ANKRD46: variants seen among roughly 807,000 people sequenced by gnomAD.
The protein encoded by ANKRD46 is ankyrin repeat domain-containing protein 46.
In ANKRD46, 13 loss-of-function variants were observed where a neutral mutation model predicts 19.8. The ratio of observed to expected loss-of-function variants is 0.66; its 90% confidence interval spans 0.43 to 1.04. The LOEUF is 1.04. Ranked by LOEUF, ANKRD46 falls within the 50% of genes least tolerant of loss-of-function variation. ANKRD46 has a pLI of 0.00. For synonymous variants in ANKRD46, 91 were observed against 106.9 expected (o/e 0.85, Z 0.92); for missense variants, 185 against 274.8 (o/e 0.67, Z 2.31).
rs1453372973 is a variant in ANKRD46 at position 100,534,920 on chromosome 8, C to T, written c.-130-1609G>A. ...TAGCTGGGACTACAGCCATGTGCCA[C>T]CATGCCTGGGTAATTTTTGTATTTT... On this transcript the variant is annotated intron_variant, in intron 1 of 4. Transcript: ENST00000335659. The surrounding 1 kb of genome is among the most constrained non-coding windows in gnomAD (Gnocchi z 4.2). 4.6e-5 allele frequency among the ~76,000 whole-genome samples: 7 copies of T among 152,164 alleles called. No homozygotes were observed. The highest frequency in any genetic ancestry group is 1.0e-4 in the Non-Finnish European group (7 of 68,036).
At chr8:100,553,577 C>T (rs1433268447) in intron 1 of ANKRD46, among the ~76,000 whole-genome samples, 3 of 152,048 alleles carry the variant, frequency 2.0e-5, no homozygotes, top group South Asian at 4.1e-4. Context: ...AGTGAAACCC[C>T]GTCTCCACTA....
In ANKRD46 at chr8:100,528,005, TAAAAAAAA is replaced by T. The variant is rs746946951; in HGVS notation, c.312-10_312-3del. ...AAAGGGGTAGCACCTTGATGATTGC[TAAAAAAAA>T]AAAAAAAAAAAAAAGTTTATAAAAA... On this transcript the variant is annotated splice_region_variant and splice_polypyrimidine_tract_variant and intron_variant, in intron 3 of 4. Coordinates refer to ENST00000335659, the MANE Select transcript of ANKRD46 (RefSeq NM_001270377.2). 1.7e-6 allele frequency: 2 copies of T among 1,164,202 alleles called. No individual in the cohort carries two copies. Among genetic ancestry groups the T allele is most frequent in the South Asian group, 2.9e-5 (1 of 33,904 alleles). The allele number at this position is 1,164,202 out of a possible 1,614,324, so 72.1% of individuals were successfully genotyped here.
rs1026053868 is a variant in ANKRD46 at position 100,527,030 on chromosome 8, A to G, written c.470+815T>C. Among the ~76,000 whole-genome samples the G allele has an allele frequency of 1.3e-5, 2 of 152,112 alleles. No individual in the cohort carries two copies. The highest frequency in any genetic ancestry group is 2.4e-5 in the African/African-American group (1 of 41,416). ...AAACTGCATGGTGGTCAACCAGATA[A>G]TATGCTACTAGAACTAAGTCTGGCC... On this transcript the variant is annotated intron_variant, in intron 4 of 4. Coordinates refer to ENST00000335659, the MANE Select transcript of ANKRD46 (RefSeq NM_001270377.2). This position sits in a 1 kb window ranked among gnomAD's most constrained non-coding sequence, Gnocchi z 4.0.
intron 1 of ANKRD46, chr8:100,551,458 T>C: frequency 1.5e-6 from 1 of 679,488 alleles, no homozygotes; most frequent in Non-Finnish European, 2.7e-6. Flanking sequence ...CATCACCCCA[T>C]TTGATTTTGG....
At chr8:100,539,451 G>A (rs1175322952) in intron 1 of ANKRD46, among the ~76,000 whole-genome samples, 1 of 152,188 alleles carries the variant, frequency 6.6e-6, no homozygotes, top group Non-Finnish European at 1.5e-5. Context: ...TTTATAAGCA[G>A]AATCTTCTGA....
rs1812532942 is a variant in ANKRD46 at position 100,557,920 on chromosome 8, T to A, written c.-131+1791A>T. ...TTTTTATTCCTAGTAACTGTTACCA[T>A]CTGACTCCAGATACGTTAACTTTCA... On this transcript the variant is annotated intron_variant, in intron 1 of 4. Transcript: ENST00000335659. This position sits in a 1 kb window ranked among gnomAD's most constrained non-coding sequence, Gnocchi z 5.9. Among the ~76,000 whole-genome samples, 2 of 152,158 alleles carry A rather than the reference T, an allele frequency of 1.3e-5. No homozygotes were observed. Among genetic ancestry groups the A allele is most frequent in the South Asian group, 4.1e-4 (2 of 4,830 alleles).
At chr8:100,518,333 AT>A (rs1401475800), downstream of ANKRD46, among the ~76,000 whole-genome samples, 8 of 152,372 alleles carry the variant, frequency 5.3e-5, no homozygotes, top group Non-Finnish European at 1.0e-4. Flanking sequence ...TAAAATGTAT[AT>A]TTCAATATGT....
chr8:100,558,091 A>G (rs1262108669), intron 1 of ANKRD46, among the ~76,000 whole-genome samples: 2 of 152,238 alleles, frequency 1.3e-5, no homozygotes, highest in African/African-American at 2.4e-5. Flanking sequence ...TACGCTTGCT[A>G]TATGAATGCC....
chr8:100,532,959 T>C lies in ANKRD46; in HGVS notation c.-28+250A>G, dbSNP rs113266290. Among the ~76,000 whole-genome samples the C allele has an allele frequency of 3.8e-3, 579 of 152,358 alleles. 2 individuals are homozygous for C. Among genetic ancestry groups the C allele is most frequent in the Admixed American group, 6.3e-3 (97 of 15,308 alleles). Reference sequence around the variant, plus strand: ...CAGACACAGTAAGAATTCTTGTGGTTTGCAGACTAGGATACTTCTGAGTGT... The same window carrying C: ...CAGACACAGTAAGAATTCTTGTGGTCTGCAGACTAGGATACTTCTGAGTGT... On this transcript the variant is annotated intron_variant, in intron 2 of 4. Coordinates refer to ENST00000335659, the MANE Select transcript of ANKRD46 (RefSeq NM_001270377.2). The surrounding 1 kb of genome is among the most constrained non-coding windows in gnomAD (Gnocchi z 4.7).
rs937090065 is a variant in ANKRD46, at chr8:100,510,593, C to T, written c.683G>A (p.Arg228Gln). ...ACCTAGAGATTAGATGGCCTGGATT[C>T]GGCTTCTGTCTTGCCTTGCAAAGCT... Residue 228 changes from arginine (R) to glutamine (Q), a missense_variant, in exon 6 of 6, where the codon CGA becomes CAA. Arg to Gln is a conservative substitution (Grantham distance 43). Coordinates refer to the ANKRD46 transcript ENST00000520552. The surrounding 1 kb of genome is among the most constrained non-coding windows in gnomAD (Gnocchi z 4.9). The T allele has an allele frequency of 1.4e-5, 22 of 1,535,444 alleles. No individual in the cohort carries two copies. Among genetic ancestry groups the T allele is most frequent in the South Asian group, 9.5e-5 (8 of 84,012 alleles).
rs552780093 is a variant in ANKRD46, at chr8:100,545,388, A to G, written c.-130-12077T>C. Reference sequence around the variant, plus strand: ...CATGATAGTGAGGGAGGGCTCATAAATAAGATCAGACGGTTTTAAAATTGG... The same window carrying G: ...CATGATAGTGAGGGAGGGCTCATAAGTAAGATCAGACGGTTTTAAAATTGG... On this transcript the variant is annotated intron_variant, in intron 1 of 4. Coordinates refer to ENST00000335659, the MANE Select transcript of ANKRD46 (RefSeq NM_001270377.2). The surrounding 1 kb of genome is among the most constrained non-coding windows in gnomAD (Gnocchi z 4.7). 6.6e-6 allele frequency among the ~76,000 whole-genome samples: 1 copy of G among 152,202 alleles called. No homozygotes were observed. Among genetic ancestry groups the G allele is most frequent in the African/African-American group, 2.4e-5 (1 of 41,526 alleles).
rs543192816 is a variant in ANKRD46 at position 100,530,118 on chromosome 8, A to G, written c.-27-258T>C. 2.0e-5 allele frequency among the ~76,000 whole-genome samples: 3 copies of G among 152,304 alleles called. No individual in the cohort carries two copies. The South Asian group carries it at 6.2e-4, about 32-fold the overall frequency. ...TTGCTTTTCACCATGTAAAAAGATT[A>G]AGAGATATTTTTAAAGTTAAGCAAG... On this transcript the variant is annotated intron_variant, in intron 2 of 4. Coordinates refer to ENST00000335659, the MANE Select transcript of ANKRD46 (RefSeq NM_001270377.2).
At chr8:100,538,747 C>A (rs961202510) in intron 1 of ANKRD46, among the ~76,000 whole-genome samples, 7 of 152,036 alleles carry the variant, frequency 4.6e-5, no homozygotes, top group Admixed American at 3.9e-4. Context: ...CATAATGAAG[C>A]CTGCTTGGAG....
At chr8:100,522,836 A>G in intron 4 of ANKRD46, 65 bp from the exon 5 acceptor site, 2 of 1,358,296 alleles carry the variant, frequency 1.5e-6, no homozygotes, top group Non-Finnish European at 2.1e-6. Context: ...ACATAAAACC[A>G]CAGGGCTACT....
At chr8:100,533,459 T>C (rs1586788948) in intron 1 of ANKRD46, 148 bp from the exon 2 acceptor site, 1 of 152,156 alleles carries the variant, frequency 6.6e-6, no homozygotes, top group Non-Finnish European at 1.5e-5. Context: ...CAGAAAAATA[T>C]CTGACGAGTA....
rs1019603345 is a variant in ANKRD46, at chr8:100,534,933, A to G, written c.-130-1622T>C. ...AGCCATGTGCCACCATGCCTGGGTA[A>G]TTTTTGTATTTTTAGTGGAGATGAG... On this transcript the variant is annotated intron_variant, in intron 1 of 4. Transcript: ENST00000335659. The surrounding 1 kb of genome is among the most constrained non-coding windows in gnomAD (Gnocchi z 4.2). Among the ~76,000 whole-genome samples, 1 of 152,040 alleles carries G rather than the reference A, an allele frequency of 6.6e-6. No homozygotes were observed. The highest frequency in any genetic ancestry group is 1.5e-5 in the Non-Finnish European group (1 of 67,998).
chr8:100,530,108 T>A (rs1811927815), intron 2 of ANKRD46, among the ~76,000 whole-genome samples: 1 of 152,220 alleles, frequency 6.6e-6, no homozygotes, highest in Non-Finnish European at 1.5e-5. Flanking sequence ...TTTCACCATG[T>A]AAAAAGATTA....
chr8:100,516,564 TAAAAC>T (rs1359420081), downstream of ANKRD46, among the ~76,000 whole-genome samples: 1 of 151,920 alleles, frequency 6.6e-6, no homozygotes, highest in African/African-American at 2.4e-5. Context: ...AACAAGAAAA[TAAAAC>T]TAAAGATAAG....
chr8:100,516,021 C>T (rs538509425), downstream of ANKRD46, among the ~76,000 whole-genome samples: 14 of 152,236 alleles, frequency 9.2e-5, no homozygotes, highest in Admixed American at 2.0e-4. Context: ...TACAGGCATG[C>T]GCCACCATGC....
Sources: allele counts gnomAD v4.1 joint callset (sites outside exome capture counted in the v4.1 genomes callset), GRCh38; gene constraint gnomAD v4.1.1; non-coding constraint Gnocchi (gnomAD v3.1); transcripts MANE v1.5; gene names NCBI Gene and HGNC (gene_info 2026-07-23, HGNC 2026-07-21).